DOCK7: variants seen among roughly 807,000 people sequenced by gnomAD.
The protein encoded by DOCK7 is dedicator of cytokinesis protein 7.
In DOCK7, 138 loss-of-function variants were observed where a neutral mutation model predicts 271.0. The ratio of observed to expected loss-of-function variants is 0.51; its 90% CI spans 0.44 to 0.59. The LOEUF is 0.59. DOCK7 is among the 20% of genes least tolerant of loss of function. The pLI is 0.00. For synonymous variants in DOCK7, 823 were observed against 876.1 expected (o/e 0.94, Z 1.07); for missense variants, 2,066 against 2,592.4 (o/e 0.80, Z 4.41).
rs890114074 is a variant in DOCK7 at position 62,492,860 on chromosome 1, T to C, written c.5218-13A>G. On this transcript the variant is annotated splice_polypyrimidine_tract_variant and intron_variant, in intron 40 of 49. Transcript: ENST00000635253. ...TAGATGAAATATTCTAGGGAAAAAA[T>C]ATATTGAAAAGGTTTTTGAAACAGA... 5.0e-6 allele frequency: 8 copies of C among 1,598,874 alleles called. No individual in the cohort carries two copies. Among genetic ancestry groups the C allele is most frequent in the Middle Eastern group, 3.5e-4 (2 of 5,676 alleles).
At chr1:62,536,437 T>C (rs1010195740) in intron 28 of DOCK7, among the ~76,000 whole-genome samples, 1 of 152,160 alleles carries the variant, frequency 6.6e-6, no homozygotes, top group African/African-American at 2.4e-5. Flanking sequence ...CTTAAGGGTG[T>C]TAGCAACCAT....
chr1:62,609,852 G>A (rs767398447), intron 14 of DOCK7, among the ~76,000 whole-genome samples: 6 of 150,362 alleles, frequency 4.0e-5, no homozygotes, highest in South Asian at 2.1e-4. Context: ...TTTTTTTTTC[G>A]AGATGGAGTC....
intron 1 of DOCK7, among the ~76,000 whole-genome samples, chr1:62,675,781 T>C (rs1380563254): frequency 6.6e-6 from 1 of 150,632 alleles, no homozygotes; most frequent in African/African-American, 2.5e-5. Context: ...CGAGACTCCA[T>C]CTCAAAGAAG....
At chr1:62,683,647 TAA>T (rs1661408010) in intron 1 of DOCK7, among the ~76,000 whole-genome samples, 1 of 151,974 alleles carries the variant, frequency 6.6e-6, no homozygotes, top group African/African-American at 2.4e-5. Flanking sequence ...TATAGTCAAA[TAA>T]AAAGAGTAGG....
At chr1:62,546,018 A>G (rs1032589470) in intron 22 of DOCK7, among the ~76,000 whole-genome samples, 2 of 152,198 alleles carry the variant, frequency 1.3e-5, no homozygotes, top group Non-Finnish European at 2.9e-5. Flanking sequence ...TTAGGGTAAG[A>G]ATAGCAAAGA....
At chr1:62,510,817 G>T in intron 33 of DOCK7, 144 bp from the exon 34 acceptor site, 1 of 509,734 alleles carries the variant, frequency 2.0e-6, no homozygotes, top group South Asian at 4.3e-5. Flanking sequence ...ACCTGACAAT[G>T]GTGCTTTTTA....
intron 48 of DOCK7, 25 bp downstream of exon 48, chr1:62,473,957 T>A: frequency 6.3e-7 from 1 of 1,588,512 alleles, no homozygotes; most frequent in South Asian, 1.1e-5. Flanking sequence ...AATTTGAAGA[T>A]CTTTACGCAG....
chr1:62,664,403 C>T (rs963856625), intron 1 of DOCK7, among the ~76,000 whole-genome samples: 1 of 152,094 alleles, frequency 6.6e-6, no homozygotes, highest in Admixed American at 6.6e-5. Flanking sequence ...TTGCTTGGCT[C>T]TCATTCTCTC....
intron 14 of DOCK7, among the ~76,000 whole-genome samples, chr1:62,592,196 G>C (rs546479237): frequency 1.7e-4 from 26 of 152,146 alleles, no homozygotes; most frequent in African/African-American, 6.0e-4. Context: ...AATAAATCTA[G>C]TAAGTCTTTA....
chr1:62,521,446 A>C (rs1293459310), intron 31 of DOCK7, among the ~76,000 whole-genome samples: 4 of 152,148 alleles, frequency 2.6e-5, no homozygotes, highest in South Asian at 2.1e-4. Context: ...TAAACTTTAA[A>C]AAGTGAGGGT....
chr1:62,490,269 G>A (rs1023038879), intron 41 of DOCK7, among the ~76,000 whole-genome samples: 1 of 151,492 alleles, frequency 6.6e-6, no homozygotes, highest in East Asian at 1.9e-4. Flanking sequence ...TGACGCTCTT[G>A]TTACATTGAG....
intron 18 of DOCK7, among the ~76,000 whole-genome samples, chr1:62,568,535 C>T: frequency 6.9e-6 from 1 of 145,968 alleles, no homozygotes; most frequent in Non-Finnish European, 1.5e-5. Context: ...AAACTCCTGA[C>T]CTCAAGTAAT....
Position 62,514,006 on chromosome 1 carries a change from AATAAT to A in DOCK7, c.3937-113_3937-109del, listed in dbSNP as rs372559346. ...AACAATAAAACAAAAGTTGCTTAAA[AATAAT>A]ATAATTAAAAACCATTTGATTCAGA... On this transcript the variant is annotated intron_variant, in intron 31 of 49. Coordinates refer to ENST00000635253, the MANE Select transcript of DOCK7 (RefSeq NM_001367561.1). The A allele has an allele frequency of 1.2e-3, 1,206 of 967,016 alleles. 5 individuals carry two copies. In the African/African-American group the frequency reaches 0.017, roughly 14 times the overall value. 59.9% of individuals were successfully genotyped at this position (967,016 alleles called of 1,614,324 possible).
In DOCK7 at chr1:62,468,275, C is replaced by T. The variant is rs187504333; in HGVS notation, c.6212+5707G>A. On this transcript the variant is annotated intron_variant, in intron 48 of 49. Coordinates refer to ENST00000635253, the MANE Select transcript of DOCK7 (RefSeq NM_001367561.1). Reference sequence around the variant, plus strand: ...ACTCAGGAAACTGAGGCAGGAGAATCGCTTGAACCCGGGAGGCAGAGGTTG... The same window carrying T: ...ACTCAGGAAACTGAGGCAGGAGAATTGCTTGAACCCGGGAGGCAGAGGTTG... Among the ~76,000 whole-genome samples, 324 of 150,686 alleles carry T rather than the reference C, an allele frequency of 2.2e-3. 1 individual carries two copies. Among genetic ancestry groups the T allele is most frequent in the African/African-American group, 6.4e-3 (263 of 40,930 alleles).
At chr1:62,491,577 T>C (rs1646466746) in intron 41 of DOCK7, among the ~76,000 whole-genome samples, 1 of 152,230 alleles carries the variant, frequency 6.6e-6, no homozygotes, top group Non-Finnish European at 1.5e-5. Flanking sequence ...GGATTCAGGA[T>C]GCAGTTCATA....
intron 31 of DOCK7, among the ~76,000 whole-genome samples, chr1:62,521,621 A>T (rs983914430): frequency 2.6e-5 from 4 of 152,230 alleles, no homozygotes; most frequent in African/African-American, 7.2e-5. Context: ...GGTATTTTTG[A>T]ATAACTTTAT....
chr1:62,672,967 T>C (rs748627958), intron 1 of DOCK7, among the ~76,000 whole-genome samples: 8 of 152,152 alleles, frequency 5.3e-5, no homozygotes, highest in Admixed American at 1.3e-4. Flanking sequence ...TATACTAACA[T>C]AGTAATAGGA....
At chr1:62,630,080 G>A (rs1654432147) in intron 11 of DOCK7, among the ~76,000 whole-genome samples, 1 of 152,152 alleles carries the variant, frequency 6.6e-6, no homozygotes, top group Non-Finnish European at 1.5e-5. Flanking sequence ...ATGACCCTAT[G>A]GTCTAAAAAG....
chr1:62,553,341 TATATATATATATA>T (rs1419855134), intron 21 of DOCK7, among the ~76,000 whole-genome samples: 5 of 3,808 alleles, frequency 1.3e-3, no homozygotes, highest in South Asian at 0.019. Flanking sequence ...TATATATATA[TATATATATATATA>T]TTTTTTTTTT....
Sources: allele counts gnomAD v4.1 joint callset (sites outside exome capture counted in the v4.1 genomes callset), GRCh38; gene constraint gnomAD v4.1.1; transcripts MANE v1.5; gene names NCBI Gene and HGNC (gene_info 2026-07-23, HGNC 2026-07-21).